The following KCNMA1 variants were observed in gnomAD, a reference collection of about 807,000 sequenced individuals.
KCNMA1 encodes potassium calcium-activated channel subfamily M alpha 1.
Under a neutral mutation model 140.0 loss-of-function variants are expected in KCNMA1, and 29 were observed. That is an observed-to-expected ratio of 0.21 (90% CI 0.15 to 0.28). The LOEUF is 0.28. Among genes scored for constraint, KCNMA1 ranks in the 10% least tolerant of loss-of-function variants. KCNMA1 has a pLI of 1.00. For missense variants in KCNMA1, 880 were observed against 1,602.2 expected, an observed-to-expected ratio of 0.55 and a Z score of 7.70; for synonymous variants, 612 against 611.9, an observed-to-expected ratio of 1.00 and a Z score of 0.00.
intron 1 of KCNMA1, among the ~76,000 whole-genome samples, chr10:77,439,188 A>G (rs1479117933): frequency 2.0e-5 from 3 of 152,244 alleles, no homozygotes. Context: ...AGAAGATTCC[A>G]AACATACAAC....
At chr10:77,254,535 T>C (rs1201532735) in intron 2 of KCNMA1, among the ~76,000 whole-genome samples, 1 of 152,206 alleles carries the variant, frequency 6.6e-6, no homozygotes, top group African/African-American at 2.4e-5. Context: ...ATATACTCTT[T>C]TTTATAGAGT....
rs796136720 is a variant in KCNMA1, at chr10:77,387,556, TTTTTC to T, written c.540+16301_540+16305del. Among the ~76,000 whole-genome samples, 777 of 113,134 alleles carry T rather than the reference TTTTTC, an allele frequency of 6.9e-3. 9 individuals are homozygous for T. Among genetic ancestry groups the T allele is most frequent in the African/African-American group, 0.019 (550 of 29,130 alleles). The allele number at this position is 113,134 out of a possible 152,430, so 74.2% of individuals were successfully genotyped here. A position where few individuals can be genotyped will look rare whatever the true frequency, so the allele number is the denominator to read the frequency against. ...TTTTCTTTTCTTTTCTTTTCTTTTC[TTTTTC>T]TTTTCTTTTCTTTTTTTTCTTTTCT... On this transcript the variant is annotated intron_variant, in intron 2 of 27. Coordinates refer to ENST00000286628, the MANE Select transcript of KCNMA1 (RefSeq NM_001161352.2).
At chr10:77,536,737 A>G (rs575071823) in intron 1 of KCNMA1, among the ~76,000 whole-genome samples, 4 of 152,194 alleles carry the variant, frequency 2.6e-5, no homozygotes, top group South Asian at 2.1e-4. Context: ...GGCCCACTTC[A>G]GAAGTCATTG....
chr10:76,874,528 C>T (rs994307948), downstream of KCNMA1: 1 of 152,216 alleles, frequency 6.6e-6, no homozygotes, highest in African/African-American at 2.4e-5. Flanking sequence ...AAATGTGGCT[C>T]TTGCACCCTC....
intron 12 of KCNMA1, 129 bp downstream of exon 12, chr10:77,084,508 G>T: frequency 3.9e-6 from 3 of 763,652 alleles, no homozygotes; most frequent in Non-Finnish European, 6.8e-6. Context: ...CTATGCAGCT[G>T]GTGAGTTGTA....
At chr10:77,492,676 A>G (rs1258909877) in intron 1 of KCNMA1, among the ~76,000 whole-genome samples, 1 of 152,204 alleles carries the variant, frequency 6.6e-6, no homozygotes, top group African/African-American at 2.4e-5. Flanking sequence ...CCTTGGAACC[A>G]TGGACAAGTT....
intron 14 of KCNMA1, among the ~76,000 whole-genome samples, chr10:77,065,175 G>C (rs1224015731): frequency 6.6e-6 from 1 of 152,152 alleles, no homozygotes; most frequent in Non-Finnish European, 1.5e-5. Flanking sequence ...TAGGCACTGA[G>C]GATTCAGCAA....
At chr10:77,222,950 C>T (rs185188746) in intron 3 of KCNMA1, among the ~76,000 whole-genome samples, 15 of 152,254 alleles carry the variant, frequency 9.9e-5, no homozygotes, top group Admixed American at 6.5e-4. Flanking sequence ...TAATTTGGGG[C>T]TGGGCGTGGT....
At chr10:77,604,584 G>A (rs964825144) in intron 1 of KCNMA1, among the ~76,000 whole-genome samples, 1 of 151,982 alleles carries the variant, frequency 6.6e-6, no homozygotes, top group African/African-American at 2.4e-5. Flanking sequence ...GCTGGGCATG[G>A]TGGTGTGCAC....
chr10:76,927,798 T>A (rs1029199302), intron 23 of KCNMA1, among the ~76,000 whole-genome samples: 2 of 152,110 alleles, frequency 1.3e-5, no homozygotes, highest in Non-Finnish European at 2.9e-5. Context: ...GTATGTCTAG[T>A]TTTGTTGTTG....
intron 1 of KCNMA1, among the ~76,000 whole-genome samples, chr10:77,451,032 T>A (rs1440626082): frequency 6.6e-6 from 1 of 152,208 alleles, no homozygotes; most frequent in African/African-American, 2.4e-5. Context: ...TCTGCCATGA[T>A]TGTGAGGCTT....
In KCNMA1 at chr10:76,887,056, G is replaced by A. The variant is rs571845279; in HGVS notation, c.*210C>T. The A allele has an allele frequency of 6.8e-7, 1 of 1,470,152 alleles. No individual in the cohort carries two copies. Among genetic ancestry groups the A allele is most frequent in the African/African-American group, 1.4e-5 (1 of 71,440 alleles). 91.1% of individuals were successfully genotyped at this position (1,470,152 alleles called of 1,614,324 possible). On this transcript the variant is annotated 3_prime_UTR_variant, in exon 28 of 28. Transcript: ENST00000286628. The stretch of plus-strand genomic sequence containing the variant: ...CCCCCAGAATCATAAATAACTTTTG[G>A]TCCGTCTGCTTATTTGCTGTTGTGC...
intron 1 of KCNMA1, among the ~76,000 whole-genome samples, chr10:77,540,774 G>A (rs2059988866): frequency 6.6e-6 from 1 of 152,168 alleles, no homozygotes; most frequent in South Asian, 2.1e-4. Context: ...GCCGAGGTGG[G>A]CTGATCCCCT....
In KCNMA1 at chr10:76,970,018, A is replaced by T; in HGVS notation, c.2316T>A (p.Asn772Lys). 2 of 1,613,622 alleles carry T rather than the reference A, an allele frequency of 1.2e-6. No homozygotes were observed. Among genetic ancestry groups the T allele is most frequent in the Non-Finnish European group, 1.7e-6 (2 of 1,179,868 alleles). The change falls in exon 20 of 28, where the codon AAT becomes AAA. Residue 772 changes from asparagine (N) to lysine (K), a missense_variant. Asn to Lys is a moderately conservative substitution (Grantham distance 94). Coordinates refer to ENST00000286628, the MANE Select transcript of KCNMA1 (RefSeq NM_001161352.2). The stretch of plus-strand genomic sequence containing the variant: ...TGTTGGGTGAGTTCCGCATGCCTCC[A>T]TTCCGTTGCTTTTTTTTTGGTGATA... Reference protein sequence around the residue: ...STLSPKKKQRNGGMRNSPNTS... With the variant: ...STLSPKKKQRKGGMRNSPNTS...
rs71028280 is a variant in KCNMA1 at position 77,499,403 on chromosome 10, G to GTATATATATATATA, written c.379-95394_379-95381dup. ...GAAAGTCAAAATGCTCAGTAGGCAT[G>GTATATATATATATA]TATATATATATATATATATACACAC... On this transcript the variant is annotated intron_variant, in intron 1 of 27. Transcript: ENST00000286628. Among the ~76,000 whole-genome samples, 815 of 142,348 alleles carry GTATATATATATATA rather than the reference G, an allele frequency of 5.7e-3. 9 individuals are homozygous for GTATATATATATATA. The highest frequency in any genetic ancestry group is 0.03 in the East Asian group (150 of 4,938). 93.4% of individuals were successfully genotyped at this position (142,348 alleles called of 152,430 possible). A position where few individuals can be genotyped will look rare whatever the true frequency, so the allele number is the denominator to read the frequency against.
At chr10:76,938,646 A>G (rs891897265) in intron 23 of KCNMA1, among the ~76,000 whole-genome samples, 1 of 152,170 alleles carries the variant, frequency 6.6e-6, no homozygotes, top group Non-Finnish European at 1.5e-5. Context: ...TAACTCATAA[A>G]CACATAAAAA....
At position 77,439,140 on chromosome 10, in the gene KCNMA1, GAGAAGAGAA is replaced by G. The variant is rs1566858236; in HGVS notation, c.379-35126_379-35118del. ...GAGAAGAGAAGAGAAGAGAAGAGAA[GAGAAGAGAA>G]AAGAGAAGAGAAGAAAAGAAAAGAG... On this transcript the variant is annotated intron_variant, in intron 1 of 27. Transcript: ENST00000286628. Among the ~76,000 whole-genome samples the G allele has an allele frequency of 7.1e-5, 10 of 140,290 alleles. No individual in the cohort carries two copies. The East Asian group carries it at 1.1e-3, about 16-fold the overall frequency. 92.0% of individuals were successfully genotyped at this position (140,290 alleles called of 152,430 possible). A position where few individuals can be genotyped will look rare whatever the true frequency, so the allele number is the denominator to read the frequency against.
At chr10:76,916,183 A>T (rs2052805603) in intron 23 of KCNMA1, among the ~76,000 whole-genome samples, 1 of 152,202 alleles carries the variant, frequency 6.6e-6, no homozygotes, top group African/African-American at 2.4e-5. Flanking sequence ...CCACCTGCTT[A>T]TGGCTGATCC....
intron 1 of KCNMA1, among the ~76,000 whole-genome samples, chr10:77,429,649 T>G (rs1167871636): frequency 1.3e-5 from 2 of 152,166 alleles, no homozygotes; most frequent in Non-Finnish European, 2.9e-5. Context: ...CCCTAAAAAG[T>G]TCTGCAATAA....
Sources: allele counts gnomAD v4.1 joint callset (sites outside exome capture counted in the v4.1 genomes callset), GRCh38; gene constraint gnomAD v4.1.1; transcripts MANE v1.5; gene names NCBI Gene and HGNC (gene_info 2026-07-23, HGNC 2026-07-21).